The following RTL4 variants were observed in gnomAD, a reference collection of about 807,000 sequenced individuals.
The protein encoded by RTL4 is retrotransposon Gag like 4, also known as retrotransposon Gag-like protein 4.
A neutral mutation model predicts 5.3 loss-of-function variants in RTL4; 4 were observed. The ratio of observed to expected loss-of-function variants is 0.75; its 90% confidence interval spans 0.37 to 1.72. The LOEUF is 1.72. RTL4 is among the 40% of genes most tolerant of loss of function. The pLI is 0.04. For synonymous variants in RTL4, 98 were observed against 87.3 expected, an observed-to-expected ratio of 1.12 and a Z score of -0.68; for missense variants, 260 against 227.1, an observed-to-expected ratio of 1.14 and a Z score of -0.93.
At chrX:112,442,249 T>C in the RTL4 span, among the ~76,000 whole-genome samples, 1 of 109,050 alleles carries the variant, frequency 9.2e-6, no homozygotes, top group East Asian at 2.9e-4. Context: ...CATTTCTTTT[T>C]TTTTTTTTTG....
the RTL4 span, among the ~76,000 whole-genome samples, chrX:112,115,562 A>T: frequency 2.7e-5 from 3 of 111,233 alleles, no homozygotes; most frequent in African/African-American, 9.8e-5. Context: ...GGCTCACCAT[A>T]TCCTAGCTTT....
the RTL4 span, among the ~76,000 whole-genome samples, chrX:112,335,452 C>G: frequency 9.0e-6 from 1 of 111,564 alleles, no homozygotes; most frequent in Non-Finnish European, 1.9e-5. Flanking sequence ...TAGCTTTTAT[C>G]TCTTCCTGTT....
the RTL4 span, among the ~76,000 whole-genome samples, chrX:112,275,318 A>G: frequency 0.055 from 6,111 of 110,354 alleles, 420 homozygotes; most frequent in African/African-American, 0.19. Context: ...GGGAAGAGAT[A>G]TTGTGGTTAA....
At chrX:112,176,394 C>T in the RTL4 span, among the ~76,000 whole-genome samples, 1 of 111,504 alleles carries the variant, frequency 9.0e-6, no homozygotes, top group Non-Finnish European at 1.9e-5. Flanking sequence ...CCCCTTTCCA[C>T]AACCAACTAG....
chrX:112,094,554 G>A, the RTL4 span, among the ~76,000 whole-genome samples: 1 of 110,845 alleles, frequency 9.0e-6, no homozygotes, highest in African/African-American at 3.3e-5. Context: ...ATATCACCTA[G>A]GGAGAGAGAA....
chrX:112,446,763 A>T, the RTL4 span, among the ~76,000 whole-genome samples: 1 of 112,031 alleles, frequency 8.9e-6, no homozygotes, highest in African/African-American at 3.2e-5. Flanking sequence ...CAGGAGAATT[A>T]CTTGAACCCG....
At chrX:112,090,441 G>A in the RTL4 span, among the ~76,000 whole-genome samples, 2 of 110,979 alleles carry the variant, frequency 1.8e-5, no homozygotes, top group African/African-American at 6.5e-5. Context: ...TTGTTGAGTG[G>A]TTTAATCATA....
At chrX:112,237,591 C>T in the RTL4 span, among the ~76,000 whole-genome samples, 247 of 112,351 alleles carry the variant, frequency 2.2e-3, 1 homozygote, top group African/African-American at 7.5e-3. Context: ...ATGAGGAAAA[C>T]AAATTTTTCT....
At chrX:112,311,702 G>A in the RTL4 span, among the ~76,000 whole-genome samples, 7 of 111,305 alleles carry the variant, frequency 6.3e-5, no homozygotes, top group Admixed American at 6.8e-4. Flanking sequence ...TAGGATTTCT[G>A]GAGCTTTGCT....
chrX:112,271,763 A>G, the RTL4 span, among the ~76,000 whole-genome samples: 4 of 111,566 alleles, frequency 3.6e-5, no homozygotes, highest in Non-Finnish European at 7.5e-5. Context: ...TTGTGGGTGC[A>G]TAGTAGGTGT....
At chrX:112,407,503 G>C in the RTL4 span, among the ~76,000 whole-genome samples, 1 of 112,276 alleles carries the variant, frequency 8.9e-6, no homozygotes, top group Admixed American at 9.4e-5. Flanking sequence ...ACACCAGGTA[G>C]ACTACTAAGG....
chrX:112,115,407 C>T, the RTL4 span, among the ~76,000 whole-genome samples: 35 of 111,571 alleles, frequency 3.1e-4, no homozygotes, highest in African/African-American at 1.1e-3. Flanking sequence ...GTATTGGGAC[C>T]TTACCCTTGT....
chrX:112,274,811 A>G, the RTL4 span, among the ~76,000 whole-genome samples: 1 of 111,423 alleles, frequency 9.0e-6, no homozygotes, highest in Admixed American at 9.5e-5. Flanking sequence ...ACTTTTTGAG[A>G]CTCACTTCTT....
the RTL4 span, among the ~76,000 whole-genome samples, chrX:112,099,879 C>T: frequency 9.0e-6 from 1 of 111,157 alleles, no homozygotes; most frequent in African/African-American, 3.3e-5. Context: ...ATTTGCGATA[C>T]ATATTTGAGG....
chrX:112,312,795 G>A, the RTL4 span, among the ~76,000 whole-genome samples: 1 of 110,989 alleles, frequency 9.0e-6, no homozygotes, highest in Non-Finnish European at 1.9e-5. Flanking sequence ...CTGCCTCCAG[G>A]TCCTGTTTCT....
the RTL4 span, among the ~76,000 whole-genome samples, chrX:112,128,180 A>G: frequency 3.6e-5 from 4 of 111,687 alleles, no homozygotes; most frequent in African/African-American, 1.3e-4. Context: ...TTAAAAAGCT[A>G]GAGGAATCAA....
the RTL4 span, among the ~76,000 whole-genome samples, chrX:112,150,499 CTTT>C: frequency 2.7e-3 from 297 of 111,483 alleles, no homozygotes; most frequent in African/African-American, 9.3e-3. Context: ...TTCTTCTTTT[CTTT>C]TTTACCCCTT....
the RTL4 span, among the ~76,000 whole-genome samples, chrX:112,326,640 G>A: frequency 8.9e-6 from 1 of 111,989 alleles, no homozygotes. Flanking sequence ...AGCTCGAACT[G>A]GGTGGAGCCC....
At chrX:112,283,015 C>T in the RTL4 span, among the ~76,000 whole-genome samples, 11 of 111,284 alleles carry the variant, frequency 9.9e-5, no homozygotes, top group African/African-American at 2.3e-4. Context: ...AGTTTGGAAA[C>T]GTAAGTACTT....
Sources: allele counts gnomAD v4.1 joint callset (sites outside exome capture counted in the v4.1 genomes callset), GRCh38; gene constraint gnomAD v4.1.1; transcripts MANE v1.5; gene names NCBI Gene and HGNC (gene_info 2026-07-23, HGNC 2026-07-21).